Variants in PZP observed in about 807,000 individuals in gnomAD.
PZP encodes the protein PZP alpha-2-macroglobulin like.
A neutral mutation model predicts 179.8 loss-of-function variants in PZP; 150 were observed. The observed-to-expected ratio is 0.83, with a 90% CI of 0.73 to 0.96. PZP has a LOEUF of 0.96. Among genes scored for constraint, PZP ranks in the 40% least tolerant of loss-of-function variants. The pLI is 0.00. For synonymous variants in PZP, 624 were observed against 652.3 expected (o/e 0.96, Z 0.66); for missense variants, 1,689 against 1,764.0 (o/e 0.96, Z 0.76).
intron 15 of PZP, among the ~76,000 whole-genome samples, chr12:9,172,117 A>G (rs1942046109): frequency 6.6e-6 from 1 of 152,212 alleles, no homozygotes; most frequent in African/African-American, 2.4e-5. Flanking sequence ...CTACAAAAGG[A>G]AACATATCAT....
At position 9,194,200 on chromosome 12, in the gene PZP, A is replaced by T; in HGVS notation, c.1131T>A (p.Asn377Lys). 1 of 1,614,088 alleles carries T rather than the reference A, an allele frequency of 6.2e-7. No individual in the cohort carries two copies. ...CATTCACAGAGATGAAGAAGAGTTT[A>T]TTGGGGATGGGCACACCTTTTCCAT... ...LVDGKGVPIP[N>K]KLFFISVNDA... The change falls in exon 11 of 36, where the codon AAT becomes AAA. Residue 377 changes from asparagine (N) to lysine (K), a missense_variant. This residue lies in a region of PZP where 742 missense variants were observed against 730.5 expected (regional missense o/e 1.02). Coordinates refer to ENST00000261336, the MANE Select transcript of PZP (RefSeq NM_002864.3).
At chr12:9,202,270 A>T in intron 4 of PZP, 49 bp downstream of exon 4, 1 of 1,458,960 alleles carries the variant, frequency 6.9e-7, no homozygotes, top group African/African-American at 1.4e-5. Context: ...ACTCTGGGTG[A>T]GTATTCCCAC....
chr12:9,146,182 A>G (rs1268009962), downstream of PZP, among the ~76,000 whole-genome samples: 2 of 152,004 alleles, frequency 1.3e-5, no homozygotes, highest in Non-Finnish European at 2.9e-5. Flanking sequence ...TGATGGTGCT[A>G]CATAAGTTCC....
At chr12:9,201,959 T>C (rs1202271805) in intron 4 of PZP, among the ~76,000 whole-genome samples, 1 of 152,188 alleles carries the variant, frequency 6.6e-6, no homozygotes, top group African/African-American at 2.4e-5. Context: ...CTATTGTATA[T>C]ACCTATATAT....
chr12:9,202,484 C>G, intron 3 of PZP, 41 bp downstream of exon 3: 2 of 1,613,162 alleles, frequency 1.2e-6, no homozygotes, highest in Non-Finnish European at 1.7e-6. Flanking sequence ...TCAGGTGGCC[C>G]TTCTCAGTGT....
chr12:9,161,375 ATAT>A (rs1378016908), intron 22 of PZP, among the ~76,000 whole-genome samples: 1 of 152,232 alleles, frequency 6.6e-6, no homozygotes, highest in African/African-American at 2.4e-5. Flanking sequence ...GTTAGCAGTA[ATAT>A]TATTATATCT....
In PZP at chr12:9,161,028, C is replaced by G. The variant is rs1174473836; in HGVS notation, c.2872+5G>C. 1.9e-6 allele frequency: 3 copies of G among 1,565,630 alleles called. No individual in the cohort carries two copies. The highest frequency in any genetic ancestry group is 2.7e-5 in the African/African-American group (2 of 73,728). On this transcript the variant is annotated splice_donor_5th_base_variant and intron_variant, in intron 23 of 35. Coordinates refer to ENST00000261336, the MANE Select transcript of PZP (RefSeq NM_002864.3). Reference sequence around the variant, plus strand: ...CCCAGGTTTACTAAATGGAAGGTGACTCACCCAGAACTGAGAAAGAAGCTC... The same window carrying G: ...CCCAGGTTTACTAAATGGAAGGTGAGTCACCCAGAACTGAGAAAGAAGCTC...
intron 25 of PZP, among the ~76,000 whole-genome samples, 176 bp from the exon 26 acceptor site, chr12:9,158,752 CTTTTCTTTT>C (rs1480272393): frequency 2.0e-5 from 2 of 97,818 alleles, no homozygotes; most frequent in Admixed American, 1.3e-4. Flanking sequence ...TTTTTCTTTT[CTTTTCTTTT>C]TTTTTTTTTT....
the PZP span, among the ~76,000 whole-genome samples, chr12:9,141,091 A>G: frequency 2.0e-5 from 3 of 152,228 alleles, no homozygotes; most frequent in East Asian, 1.9e-4. Context: ...TATAGTAGCC[A>G]TAAAGTTACA....
intron 15 of PZP, among the ~76,000 whole-genome samples, chr12:9,176,058 TAA>T (rs1592501499): frequency 6.6e-6 from 1 of 152,106 alleles, no homozygotes; most frequent in Non-Finnish European, 1.5e-5. Context: ...GGAATCAATC[TAA>T]ATGCCCATCA....
At chr12:9,172,337 A>G (rs1942057937) in intron 15 of PZP, among the ~76,000 whole-genome samples, 1 of 152,210 alleles carries the variant, frequency 6.6e-6, no homozygotes, top group Non-Finnish European at 1.5e-5. Context: ...GAGCTCCTGA[A>G]GAAAGCACTA....
At chr12:9,140,608 T>C in the PZP span, among the ~76,000 whole-genome samples, 5 of 152,236 alleles carry the variant, frequency 3.3e-5, no homozygotes, top group Non-Finnish European at 7.3e-5. Context: ...CTGGCATTGA[T>C]GGAATTTTGT....
chr12:9,201,183 A>C, intron 5 of PZP, 123 bp from the exon 6 acceptor site: 1 of 1,390,086 alleles, frequency 7.2e-7, no homozygotes, highest in Non-Finnish European at 9.9e-7. Context: ...AAGGAAGAGA[A>C]AATACAATCA....
chr12:9,190,832 A>G (rs2121089313), intron 13 of PZP, among the ~76,000 whole-genome samples: 1 of 152,318 alleles, frequency 6.6e-6, no homozygotes, highest in South Asian at 2.1e-4. Flanking sequence ...GTGAAAAGAG[A>G]ACAATATGAG....
intron 34 of PZP, among the ~76,000 whole-genome samples, chr12:9,150,397 C>G (rs145319626): frequency 6.6e-6 from 1 of 152,288 alleles, no homozygotes; most frequent in Non-Finnish European, 1.5e-5. Flanking sequence ...ATTCTCCTGC[C>G]TCAGCCTCCA....
At chr12:9,141,308 A>G in the PZP span, among the ~76,000 whole-genome samples, 1 of 152,224 alleles carries the variant, frequency 6.6e-6, no homozygotes, top group African/African-American at 2.4e-5. Flanking sequence ...GTATGATTTT[A>G]TACCAAATAA....
At chr12:9,144,207 G>A (rs143424730), downstream of PZP, among the ~76,000 whole-genome samples, 9 of 152,220 alleles carry the variant, frequency 5.9e-5, no homozygotes, top group East Asian at 1.2e-3. Context: ...CAGAGAGAAA[G>A]GAAAGTGAGG....
intron 7 of PZP, among the ~76,000 whole-genome samples, chr12:9,197,509 TATA>T (rs1351041411): frequency 1.6e-5 from 2 of 126,976 alleles, no homozygotes; most frequent in African/African-American, 6.3e-5. Flanking sequence ...ATATATTATG[TATA>T]ATGTTGAAAA....
intron 1 of PZP, 62 bp from the exon 2 acceptor site, chr12:9,204,013 A>G (rs1277110079): frequency 2.1e-6 from 3 of 1,445,276 alleles, no homozygotes; most frequent in Admixed American, 2.0e-5. Context: ...TTCATCCATA[A>G]ATGTGTTTTC....
Sources: allele counts gnomAD v4.1 joint callset (sites outside exome capture counted in the v4.1 genomes callset), GRCh38; gene constraint gnomAD v4.1.1; regional missense constraint gnomAD v4.1.1; transcripts MANE v1.5; gene names NCBI Gene and HGNC (gene_info 2026-07-23, HGNC 2026-07-21).